Variants in TMED3 observed in about 807,000 individuals in gnomAD.
The protein encoded by TMED3 is transmembrane emp24 domain-containing protein 3.
A neutral mutation model predicts 15.0 loss-of-function variants in TMED3; 9 were observed. The observed-to-expected ratio is 0.60, with a 90% CI of 0.36 to 1.04. The LOEUF (loss-of-function observed/expected upper bound fraction) is 1.04, where lower values mean the gene tolerates loss of function less well. Among genes scored for constraint, TMED3 ranks in the 50% least tolerant of loss-of-function variants. The pLI, the probability that TMED3 is intolerant of heterozygous loss-of-function variation, is 0.01. For missense variants in TMED3, 267 were observed against 278.9 expected, an observed-to-expected ratio of 0.96 and a Z score of 0.30; for synonymous variants, 117 against 121.4, an observed-to-expected ratio of 0.96 and a Z score of 0.24.
chr15:79,356,673 C>T (rs749885269), intron 2 of TMED3, among the ~76,000 whole-genome samples: 21 of 152,134 alleles, frequency 1.4e-4, no homozygotes, highest in Admixed American at 3.3e-4. Context: ...GGGAGGTCTA[C>T]GCAAGGGGGT....
chr15:79,404,117 G>A (rs1300884812), intron 2 of TMED3, among the ~76,000 whole-genome samples: 3 of 152,152 alleles, frequency 2.0e-5, no homozygotes, highest in African/African-American at 7.2e-5. Flanking sequence ...AATCAATATT[G>A]TTCAAGATTC....
intron 2 of TMED3, chr15:79,314,468 G>A: frequency 2.3e-6 from 1 of 442,336 alleles, no homozygotes; most frequent in Non-Finnish European, 4.6e-6. Context: ...AAGGTTGGTG[G>A]GGAGCTTTCC....
intron 2 of TMED3, among the ~76,000 whole-genome samples, chr15:79,329,215 A>T (rs891501774): frequency 6.6e-6 from 1 of 152,226 alleles, no homozygotes; most frequent in South Asian, 2.1e-4. Context: ...AGAGACAACA[A>T]CCAGGGCCTG....
At chr15:79,364,629 G>T (rs994773837) in intron 2 of TMED3, among the ~76,000 whole-genome samples, 1 of 151,786 alleles carries the variant, frequency 6.6e-6, no homozygotes, top group African/African-American at 2.4e-5. Context: ...ACAAGCAGAT[G>T]AGGAGATGAA....
intron 2 of TMED3, among the ~76,000 whole-genome samples, chr15:79,376,479 A>G (rs1035479308): frequency 6.6e-6 from 1 of 152,172 alleles, no homozygotes; most frequent in Non-Finnish European, 1.5e-5. Context: ...TAATCCCATA[A>G]CTACTCATTT....
chr15:79,325,884 A>G (rs544937498), downstream of TMED3, among the ~76,000 whole-genome samples: 1 of 152,272 alleles, frequency 6.6e-6, no homozygotes, highest in African/African-American at 2.4e-5. Context: ...ACCTTCTTCC[A>G]CTTGCTTTGT....
At position 79,322,723 on chromosome 15, in the gene TMED3, A is replaced by G; in HGVS notation, c.*509A>G. The G allele has an allele frequency of 1.0e-6, 1 of 985,824 alleles. No individual in the cohort carries two copies. Among genetic ancestry groups the G allele is most frequent in the South Asian group, 4.7e-5 (1 of 21,296 alleles). 61.1% of individuals were successfully genotyped at this position (985,824 alleles called of 1,614,324 possible). On this transcript the variant is annotated 3_prime_UTR_variant, in exon 3 of 3. Transcript: ENST00000299705. The stretch of plus-strand genomic sequence containing the variant: ...GATCTGCTCACCCTCGGTGAGCAAC[A>G]GTGTCAGCCATGCAAGCAGGACAGA...
At chr15:79,407,831 C>T (rs1893921469) in intron 2 of TMED3, among the ~76,000 whole-genome samples, 1 of 152,108 alleles carries the variant, frequency 6.6e-6, no homozygotes, top group Admixed American at 6.5e-5. Context: ...GGTAGTGGTC[C>T]ATTGAGGATT....
intron 2 of TMED3, among the ~76,000 whole-genome samples, chr15:79,387,065 T>C (rs1316747652): frequency 6.6e-6 from 1 of 151,970 alleles, no homozygotes; most frequent in Non-Finnish European, 1.5e-5. Flanking sequence ...GTAGCTGAGA[T>C]GACAGTTGCA....
At chr15:79,402,814 A>AG (rs745557942) in intron 2 of TMED3, among the ~76,000 whole-genome samples, 6 of 151,904 alleles carry the variant, frequency 3.9e-5, no homozygotes, top group African/African-American at 7.3e-5. Flanking sequence ...AAAAATAAAA[A>AG]GGGGGGCCAA....
intron 2 of TMED3, among the ~76,000 whole-genome samples, chr15:79,376,290 T>A (rs953062959): frequency 6.6e-6 from 1 of 151,374 alleles, no homozygotes; most frequent in African/African-American, 2.4e-5. Flanking sequence ...AGAACCCTGT[T>A]TGATAGCTTT....
At chr15:79,380,090 T>C (rs1407292657) in intron 2 of TMED3, among the ~76,000 whole-genome samples, 1 of 152,238 alleles carries the variant, frequency 6.6e-6, no homozygotes, top group African/African-American at 2.4e-5. Context: ...GGTATATATA[T>C]GTCTAAAAGC....
intron 2 of TMED3, among the ~76,000 whole-genome samples, chr15:79,346,360 G>T (rs1388514038): frequency 2.6e-5 from 4 of 152,160 alleles, no homozygotes. Context: ...GGACCAGGTG[G>T]ACATAATTGA....
At chr15:79,381,625 G>C (rs1397407783) in intron 2 of TMED3, among the ~76,000 whole-genome samples, 1 of 152,154 alleles carries the variant, frequency 6.6e-6, no homozygotes, top group Admixed American at 6.6e-5. Context: ...GGTTTAACCT[G>C]GTATCTCATC....
chr15:79,370,853 A>G (rs1893325488), intron 2 of TMED3, among the ~76,000 whole-genome samples: 1 of 152,120 alleles, frequency 6.6e-6, no homozygotes, highest in Admixed American at 6.5e-5. Context: ...TTCTGCTCAT[A>G]TTGCTTCACT....
At chr15:79,335,521 T>G (rs865881466) in intron 2 of TMED3, among the ~76,000 whole-genome samples, 1 of 152,156 alleles carries the variant, frequency 6.6e-6, no homozygotes, top group Non-Finnish European at 1.5e-5. Context: ...ACAGGTGGCC[T>G]TTCTAAAACT....
At chr15:79,362,799 T>C (rs1055610528) in intron 2 of TMED3, among the ~76,000 whole-genome samples, 1 of 152,216 alleles carries the variant, frequency 6.6e-6, no homozygotes, top group Admixed American at 6.5e-5. Context: ...CTGCCATGAT[T>C]GTGAGGCCTC....
intron 2 of TMED3, among the ~76,000 whole-genome samples, chr15:79,331,529 C>T (rs1375858105): frequency 6.1e-5 from 5 of 81,706 alleles, no homozygotes; most frequent in African/African-American, 9.7e-5. Flanking sequence ...CTCAAAAGAA[C>T]AGGCAAAAGA....
At chr15:79,385,657 T>A (rs904628331) in intron 2 of TMED3, among the ~76,000 whole-genome samples, 1 of 152,216 alleles carries the variant, frequency 6.6e-6, no homozygotes, top group African/African-American at 2.4e-5. Flanking sequence ...ATCCTGCCTG[T>A]TCCTGGCAAC....
Sources: gnomAD v4.1 joint callset for allele counts (sites outside exome capture counted in the v4.1 genomes callset) on GRCh38, gnomAD v4.1.1 for gene constraint, MANE v1.5 for transcripts, NCBI Gene and HGNC (gene_info 2026-07-23, HGNC 2026-07-21) for gene names.